The following MARCHF1 variants were observed in gnomAD, a reference collection of about 807,000 sequenced individuals.
The protein encoded by MARCHF1 is E3 ubiquitin-protein ligase MARCHF1.
Under a neutral mutation model 54.2 loss-of-function variants are expected in MARCHF1, and 40 were observed. The observed-to-expected ratio is 0.74, with a 90% CI of 0.57 to 0.96. The LOEUF is 0.96. Among genes scored for constraint, MARCHF1 ranks in the 40% least tolerant of loss-of-function variants. The probability of loss-of-function intolerance (pLI) is 0.00; values close to 1 mark genes in which losing one functional copy is unlikely to be tolerated. For synonymous variants in MARCHF1, 236 were observed against 236.3 expected, an observed-to-expected ratio of 1.00 and a Z score of 0.01; for missense variants, 586 against 656.5, an observed-to-expected ratio of 0.89 and a Z score of 1.17.
intron 8 of MARCHF1, among the ~76,000 whole-genome samples, chr4:163,556,260 T>C (rs1300242675): frequency 6.6e-6 from 1 of 152,232 alleles, no homozygotes; most frequent in Non-Finnish European, 1.5e-5. Context: ...GGGAACTGTG[T>C]AATTTTCCAT....
chr4:163,895,049 T>C (rs566682492), intron 3 of MARCHF1, among the ~76,000 whole-genome samples: 3 of 151,798 alleles, frequency 2.0e-5, no homozygotes, highest in Non-Finnish European at 2.9e-5. Flanking sequence ...TATACATATA[T>C]GCATGTGATG....
chr4:163,532,178 C>T (rs1364373383), intron 9 of MARCHF1, among the ~76,000 whole-genome samples: 2 of 151,784 alleles, frequency 1.3e-5, no homozygotes, highest in Admixed American at 6.6e-5. Context: ...TGAAAACTGA[C>T]ACTATCCTTG....
intron 2 of MARCHF1, among the ~76,000 whole-genome samples, chr4:164,110,586 A>G (rs1470900658): frequency 1.3e-5 from 2 of 151,736 alleles, no homozygotes; most frequent in African/African-American, 4.8e-5. Context: ...TGTAATGACT[A>G]TTATGCCACT....
intron 3 of MARCHF1, among the ~76,000 whole-genome samples, chr4:163,909,576 C>T (rs1174813286): frequency 1.3e-5 from 2 of 152,178 alleles, no homozygotes; most frequent in Non-Finnish European, 2.9e-5. Context: ...TAGCACAATG[C>T]TAAATCTCAT....
At chr4:163,688,737 G>C (rs998149041) in intron 5 of MARCHF1, among the ~76,000 whole-genome samples, 2 of 152,080 alleles carry the variant, frequency 1.3e-5, no homozygotes, top group Non-Finnish European at 2.9e-5. Flanking sequence ...TCAGTAGAGA[G>C]CATTCATTCC....
intron 4 of MARCHF1, among the ~76,000 whole-genome samples, chr4:163,834,544 T>C (rs1749123548): frequency 1.3e-5 from 2 of 151,454 alleles, no homozygotes; most frequent in Non-Finnish European, 2.9e-5. Flanking sequence ...GCTGGTACAC[T>C]GCACCCACTA....
intron 5 of MARCHF1, among the ~76,000 whole-genome samples, chr4:163,694,557 G>A (rs1376514419): frequency 6.6e-6 from 1 of 152,040 alleles, no homozygotes; most frequent in Non-Finnish European, 1.5e-5. Context: ...TCTCTTCCCT[G>A]GGCTGCCTTT....
chr4:164,246,921 C>A (rs1732965124), intron 1 of MARCHF1, among the ~76,000 whole-genome samples: 1 of 102,490 alleles, frequency 9.8e-6, no homozygotes, highest in South Asian at 4.3e-4. Context: ...CATCTCACAC[C>A]AGTTAGAATG....
intron 4 of MARCHF1, among the ~76,000 whole-genome samples, chr4:163,796,221 G>GTTTTTTTT (rs36039503): frequency 1.2e-5 from 1 of 82,234 alleles, no homozygotes; most frequent in African/African-American, 4.1e-5. Context: ...GAAACTTCTA[G>GTTTTTTTT]TTTTTTTTTT....
intron 1 of MARCHF1, among the ~76,000 whole-genome samples, chr4:164,334,443 C>CA (rs1293240829): frequency 2.6e-5 from 4 of 151,498 alleles, no homozygotes; most frequent in Non-Finnish European, 5.9e-5. Context: ...TAAATGGAAC[C>CA]AAAAAAGCCA....
intron 1 of MARCHF1, among the ~76,000 whole-genome samples, chr4:164,245,043 G>T (rs933915575): frequency 6.6e-6 from 1 of 152,158 alleles, no homozygotes; most frequent in Non-Finnish European, 1.5e-5. Flanking sequence ...GGAGGAACTG[G>T]TACCATTCCT....
At chr4:163,740,164 C>T (rs1236147194) in intron 4 of MARCHF1, among the ~76,000 whole-genome samples, 1 of 152,160 alleles carries the variant, frequency 6.6e-6, no homozygotes, top group Non-Finnish European at 1.5e-5. Context: ...CACTGTAAAA[C>T]TACCTATCTC....
chr4:163,713,036 A>G (rs1342551742), intron 4 of MARCHF1, among the ~76,000 whole-genome samples: 1 of 152,074 alleles, frequency 6.6e-6, no homozygotes, highest in African/African-American at 2.4e-5. Context: ...GCTTCGACTC[A>G]TCTCCTTTCA....
At chr4:164,189,492 A>G (rs1205295679) in intron 1 of MARCHF1, 2 of 727,984 alleles carry the variant, frequency 2.7e-6, no homozygotes, top group Admixed American at 2.1e-5. Flanking sequence ...AGATTCAGCA[A>G]CTGGTTAAAA....
chr4:164,024,118 T>G (rs1047856741), intron 2 of MARCHF1, among the ~76,000 whole-genome samples: 12 of 152,196 alleles, frequency 7.9e-5, no homozygotes, highest in Admixed American at 6.5e-5. Flanking sequence ...CTCACTGGCA[T>G]TCTTAAGAGG....
chr4:164,031,302 T>C (rs1413734682), intron 2 of MARCHF1, among the ~76,000 whole-genome samples: 1 of 152,206 alleles, frequency 6.6e-6, no homozygotes, highest in Non-Finnish European at 1.5e-5. Flanking sequence ...TATTATCTGA[T>C]GGTAGTTTGT....
chr4:164,080,214 T>G (rs1579516702), intron 2 of MARCHF1, among the ~76,000 whole-genome samples: 1 of 152,230 alleles, frequency 6.6e-6, no homozygotes, highest in African/African-American at 2.4e-5. Flanking sequence ...CCTTTCAAGA[T>G]CTGAGCTGAC....
chr4:163,984,175 G>A (rs1176856527), intron 3 of MARCHF1, among the ~76,000 whole-genome samples: 2 of 151,906 alleles, frequency 1.3e-5, no homozygotes, highest in Non-Finnish European at 2.9e-5. Flanking sequence ...AGCTATCATT[G>A]GAAAGGCAAG....
At chr4:164,142,764 A>C (rs6830569) in intron 1 of MARCHF1, among the ~76,000 whole-genome samples, 29,115 of 152,082 alleles carry the variant, frequency 0.19, 4,476 homozygotes, top group African/African-American at 0.41. Flanking sequence ...AAGGAGAGCA[A>C]CTCTCCTCCT....
Sources: allele counts gnomAD v4.1 joint callset (sites outside exome capture counted in the v4.1 genomes callset), GRCh38; gene constraint gnomAD v4.1.1; transcripts MANE v1.5; gene names NCBI Gene and HGNC (gene_info 2026-07-23, HGNC 2026-07-21).